The following GRM7 variants were observed in gnomAD, a reference collection of about 807,000 sequenced individuals.
The protein encoded by GRM7 is metabotropic glutamate receptor 7.
In GRM7, 35 loss-of-function variants were observed where a neutral mutation model predicts 84.5. That is an observed-to-expected ratio of 0.41 (90% CI 0.32 to 0.55). The LOEUF is 0.55. Ranked by LOEUF, GRM7 falls within the 20% of genes least tolerant of loss-of-function variation. GRM7 has a pLI of 0.19. For synonymous variants in GRM7, 487 were observed against 455.1 expected, an observed-to-expected ratio of 1.07 and a Z score of -0.89; for missense variants, 1,003 against 1,194.6, an observed-to-expected ratio of 0.84 and a Z score of 2.36.
In GRM7 at chr3:7,154,578, G is replaced by A. The variant is rs566198473; in HGVS notation, c.736+7910G>A. On this transcript the variant is annotated intron_variant, in intron 2 of 9. Transcript: ENST00000357716. The stretch of plus-strand genomic sequence containing the variant: ...ACTGCCATAGGATGCATGTGCTAAG[G>A]AGAAAAAGGTGATGGGATTCTGGCA... Among the ~76,000 whole-genome samples the A allele has an allele frequency of 2.6e-5, 4 of 152,188 alleles. No individual in the cohort carries two copies. The South Asian group carries it at 6.2e-4, about 24-fold the overall frequency.
In GRM7 at chr3:7,320,681, A is replaced by AGTGTGTGTGTGTGTGT. The variant is rs56313913; in HGVS notation, c.1033+14053_1033+14068dup. ...TCCTGAACACCATCAGTGGGTGATC[A>AGTGTGTGTGTGTGTGT]GTGTGTGTGTGTGTGTGTGTGTGTG... is the stretch of plus-strand genomic sequence containing the variant. On this transcript the variant is annotated intron_variant, in intron 4 of 9. Transcript: ENST00000357716. Among the ~76,000 whole-genome samples the AGTGTGTGTGTGTGTGT allele has an allele frequency of 3.4e-3, 474 of 141,238 alleles. 3 individuals carry two copies. Among genetic ancestry groups the AGTGTGTGTGTGTGTGT allele is most frequent in the East Asian group, 0.011 (49 of 4,590 alleles). 92.7% of individuals were successfully genotyped at this position (141,238 alleles called of 152,430 possible). A position where few individuals can be genotyped will look rare whatever the true frequency, so the allele number is the denominator to read the frequency against.
At chr3:6,946,935 G>T (rs1490170067) in intron 1 of GRM7, among the ~76,000 whole-genome samples, 2 of 152,172 alleles carry the variant, frequency 1.3e-5, no homozygotes, top group Non-Finnish European at 2.9e-5. Context: ...TTGCTTATCA[G>T]CTTAAGGAGA....
chr3:7,171,583 T>C (rs1431983899), intron 2 of GRM7, among the ~76,000 whole-genome samples: 3 of 152,188 alleles, frequency 2.0e-5, no homozygotes, highest in African/African-American at 4.8e-5. Flanking sequence ...TAAATAAATA[T>C]GGGTGGATAT....
At chr3:7,114,160 AC>A in intron 1 of GRM7, among the ~76,000 whole-genome samples, 1 of 152,280 alleles carries the variant, frequency 6.6e-6, no homozygotes, top group East Asian at 1.9e-4. Context: ...AAGTTCAATG[AC>A]TTTTATAATC....
chr3:7,102,339 A>G (rs1559442156), intron 1 of GRM7, among the ~76,000 whole-genome samples: 1 of 151,748 alleles, frequency 6.6e-6, no homozygotes, highest in Non-Finnish European at 1.5e-5. Context: ...ATTCATTAAC[A>G]ACATTGTTCT....
At chr3:7,139,982 A>T (rs1478632784) in intron 1 of GRM7, among the ~76,000 whole-genome samples, 1 of 152,012 alleles carries the variant, frequency 6.6e-6, no homozygotes, top group Non-Finnish European at 1.5e-5. Context: ...AAAACAACTC[A>T]ATTAAAAAAT....
At position 7,350,723 on chromosome 3, in the gene GRM7, T is replaced by C. The variant is rs138299217; in HGVS notation, c.1033+44071T>C. Among the ~76,000 whole-genome samples the C allele has an allele frequency of 1.8e-3, 271 of 152,266 alleles. 3 individuals are homozygous for C. Among genetic ancestry groups the C allele is most frequent in the Middle Eastern group, 3.4e-3 (1 of 294 alleles). ...TTTGGATCTTTTTTTCTCCTCCTTTTAGTGAAACTTGGTAATACTGCAAAC... is the reference window on the plus strand; with the variant it reads ...TTTGGATCTTTTTTTCTCCTCCTTTCAGTGAAACTTGGTAATACTGCAAAC... On this transcript the variant is annotated intron_variant, in intron 4 of 9. Transcript: ENST00000357716.
chr3:7,514,370 G>T (rs1700306623), intron 7 of GRM7, among the ~76,000 whole-genome samples: 1 of 152,174 alleles, frequency 6.6e-6, no homozygotes, highest in South Asian at 2.1e-4. Flanking sequence ...GCAAATTCCT[G>T]ACAAGACTCT....
chr3:7,195,645 T>C (rs1373158719), intron 2 of GRM7, among the ~76,000 whole-genome samples: 1 of 152,056 alleles, frequency 6.6e-6, no homozygotes, highest in Non-Finnish European at 1.5e-5. Flanking sequence ...TGTAGAACTT[T>C]TGAGATTGAA....
At chr3:7,592,378 C>A (rs1214658516) in intron 8 of GRM7, among the ~76,000 whole-genome samples, 1 of 152,238 alleles carries the variant, frequency 6.6e-6, no homozygotes, top group Non-Finnish European at 1.5e-5. Flanking sequence ...CATAAAGAAG[C>A]AAACCATGAG....
Position 7,229,707 on chromosome 3 carries a change from C to T in GRM7, c.737-68977C>T, listed in dbSNP as rs188413398. Among the ~76,000 whole-genome samples the T allele has an allele frequency of 3.2e-4, 31 of 97,012 alleles. 1 individual carries two copies. The East Asian group carries it at 8.2e-3, about 26-fold the overall frequency. The allele number at this position is 97,012 out of a possible 152,430, so 63.6% of individuals were successfully genotyped here. ...ATGAGCTGTTTTCCTTCCCCAACCC[C>T]GCTCTCCATAGACACACACATATAT... On this transcript the variant is annotated intron_variant, in intron 2 of 9. Coordinates refer to ENST00000357716, the MANE Select transcript of GRM7 (RefSeq NM_000844.4).
intron 1 of GRM7, among the ~76,000 whole-genome samples, chr3:7,007,708 A>T (rs1157058831): frequency 6.6e-6 from 1 of 152,224 alleles, no homozygotes. Flanking sequence ...AAAGAGTTTT[A>T]AATGATCTGA....
chr3:7,392,755 C>G (rs1042179531), intron 4 of GRM7, among the ~76,000 whole-genome samples: 7 of 152,202 alleles, frequency 4.6e-5, no homozygotes, highest in African/African-American at 1.7e-4. Flanking sequence ...TAGCATTAAA[C>G]TATCAAAATA....
In GRM7 at chr3:7,164,192, C is replaced by G. The variant is rs371213526; in HGVS notation, c.736+17524C>G. On this transcript the variant is annotated intron_variant, in intron 2 of 9. Transcript: ENST00000357716. ...TGGCCAACATGGTGAAACCCCATCC[C>G]TACTAAAAATACAAAAATTAGCCAG... Among the ~76,000 whole-genome samples, 22 of 152,238 alleles carry G rather than the reference C, an allele frequency of 1.4e-4. No homozygotes were observed. The East Asian group carries it at 2.7e-3, about 19-fold the overall frequency.
At chr3:7,516,238 G>A (rs1365910693) in intron 7 of GRM7, among the ~76,000 whole-genome samples, 2 of 148,288 alleles carry the variant, frequency 1.3e-5, no homozygotes, top group East Asian at 4.0e-4. Context: ...TCGGGAAGCC[G>A]AAGCCGAGGC....
At chr3:7,449,649 C>G (rs983711779) in intron 5 of GRM7, among the ~76,000 whole-genome samples, 1 of 151,570 alleles carries the variant, frequency 6.6e-6, no homozygotes, top group Admixed American at 6.6e-5. Flanking sequence ...TTAAAATATC[C>G]AGAAATTTGA....
intron 7 of GRM7, among the ~76,000 whole-genome samples, chr3:7,529,281 A>G (rs1700933888): frequency 6.6e-6 from 1 of 152,138 alleles, no homozygotes; most frequent in Admixed American, 6.6e-5. Context: ...CTAATTACTG[A>G]CACATGATAG....
chr3:7,282,552 TA>T (rs1699291160), intron 2 of GRM7, among the ~76,000 whole-genome samples: 1 of 152,174 alleles, frequency 6.6e-6, no homozygotes, highest in Non-Finnish European at 1.5e-5. Context: ...TTAGCAACCT[TA>T]ATTTCATTTG....
chr3:6,953,326 C>G (rs1246146566), intron 1 of GRM7, among the ~76,000 whole-genome samples: 1 of 152,184 alleles, frequency 6.6e-6, no homozygotes. Flanking sequence ...AACTCACATG[C>G]CTTGGCAAGA....
Sources: gnomAD v4.1 joint callset for allele counts (sites outside exome capture counted in the v4.1 genomes callset) on GRCh38, gnomAD v4.1.1 for gene constraint, MANE v1.5 for transcripts, NCBI Gene and HGNC (gene_info 2026-07-23, HGNC 2026-07-21) for gene names.